The following HHAT variants were observed in gnomAD, a reference collection of about 807,000 sequenced individuals.
The protein encoded by HHAT is hedgehog acyltransferase.
HHAT carries 47 observed loss-of-function variants against 70.8 expected under a neutral mutation model. The observed-to-expected ratio is 0.66, with a 90% confidence interval of 0.53 to 0.85. HHAT has a LOEUF of 0.85. HHAT is among the 40% of genes least tolerant of loss of function. HHAT has a pLI of 0.00. For missense variants in HHAT, 609 were observed against 604.8 expected, an observed-to-expected ratio of 1.01 and a Z score of -0.07; for synonymous variants, 228 against 247.6, an observed-to-expected ratio of 0.92 and a Z score of 0.74.
intron 7 of HHAT, among the ~76,000 whole-genome samples, chr1:210,455,877 T>A (rs990443834): frequency 3.3e-5 from 5 of 152,210 alleles, no homozygotes; most frequent in Non-Finnish European, 7.3e-5. Flanking sequence ...CTTTTACTGT[T>A]TGTGTGATTA....
chr1:210,417,443 C>A (rs2092756383), intron 6 of HHAT, among the ~76,000 whole-genome samples: 1 of 152,144 alleles, frequency 6.6e-6, no homozygotes. Context: ...CCATATTGGC[C>A]AGGCTGGTCT....
In HHAT at chr1:210,447,819, A is replaced by G. The variant is rs886734670; in HGVS notation, c.857-16686A>G. 2.0e-5 allele frequency among the ~76,000 whole-genome samples: 3 copies of G among 152,134 alleles called. No individual in the cohort carries two copies. The East Asian group carries it at 5.8e-4, about 29-fold the overall frequency. ...AGATACGAGGCCCCACATTCTGGTA[A>G]TATAGATCTGTCTCTATGAGCTGGG... On this transcript the variant is annotated intron_variant, in intron 7 of 11. Coordinates refer to ENST00000261458, the MANE Select transcript of HHAT (RefSeq NM_018194.6).
intron 9 of HHAT, among the ~76,000 whole-genome samples, chr1:210,532,583 T>G (rs1318863353): frequency 1.3e-5 from 2 of 152,188 alleles, no homozygotes; most frequent in East Asian, 3.8e-4. Flanking sequence ...GGCAAATTCC[T>G]ATAAGCAACT....
intron 11 of HHAT, among the ~76,000 whole-genome samples, chr1:210,637,409 A>G (rs76338736): frequency 0.017 from 2,630 of 152,342 alleles, 39 homozygotes; most frequent in Middle Eastern, 0.027. Flanking sequence ...AAATAGATCA[A>G]TTGGGTGTCA....
At chr1:210,438,630 G>C (rs2357589) in intron 7 of HHAT, among the ~76,000 whole-genome samples, 2 of 151,368 alleles carry the variant, frequency 1.3e-5, no homozygotes, top group African/African-American at 2.4e-5. Context: ...TTATTTGGCT[G>C]TTTTAGGGTC....
chr1:210,350,766 T>G (rs2147978730), intron 2 of HHAT, among the ~76,000 whole-genome samples: 1 of 152,344 alleles, frequency 6.6e-6, no homozygotes, highest in Middle Eastern at 3.4e-3. Flanking sequence ...TTGTATTGCA[T>G]TAATTAGGGT....
intron 10 of HHAT, among the ~76,000 whole-genome samples, chr1:210,615,909 G>C (rs1242764118): frequency 6.6e-6 from 1 of 152,176 alleles, no homozygotes; most frequent in Non-Finnish European, 1.5e-5. Flanking sequence ...GAGGCAGTCT[G>C]TCTGTTCTCA....
chr1:210,359,519 C>T (rs909735761), intron 2 of HHAT, among the ~76,000 whole-genome samples: 7 of 152,054 alleles, frequency 4.6e-5, no homozygotes, highest in South Asian at 2.1e-4. Context: ...TCTTGCGGCT[C>T]CCACTCAGGA....
At chr1:210,436,200 C>T (rs1306547895) in intron 7 of HHAT, among the ~76,000 whole-genome samples, 1 of 151,806 alleles carries the variant, frequency 6.6e-6, no homozygotes, top group Admixed American at 6.6e-5. Flanking sequence ...TTCCCAGCAC[C>T]ATTTATTGAA....
rs775280864 is a variant in HHAT at position 210,404,616 on chromosome 1, TG to T, written c.622del (p.Val208SerfsTer30). On this transcript the variant is annotated frameshift_variant, in exon 6 of 12. Transcript: ENST00000261458. LOFTEE classifies it high-confidence loss of function. ...ACTCCTTTCCCTGGATGCTGGCCTA[TG>T]TCTTTTATTATCCAGTCTTACACAA... The part of the protein sequence containing the change: ...SYSFPWMLAY[V>X]FYYPVLHNGP... The T allele has an allele frequency of 6.2e-7, 1 of 1,614,038 alleles. No homozygotes were observed. The highest frequency in any genetic ancestry group is 1.3e-5 in the African/African-American group (1 of 74,906).
At chr1:210,382,179 C>T (rs1035568623) in intron 3 of HHAT, among the ~76,000 whole-genome samples, 1 of 152,126 alleles carries the variant, frequency 6.6e-6, no homozygotes, top group Admixed American at 6.5e-5. Context: ...CCTCATTTGC[C>T]AGGAATTTTT....
At chr1:210,507,359 CTTTTTTTTTT>C (rs927392992) in intron 8 of HHAT, among the ~76,000 whole-genome samples, 1 of 122,528 alleles carries the variant, frequency 8.2e-6, no homozygotes, top group Non-Finnish European at 1.7e-5. Context: ...TTTCTTTTTT[CTTTTTTTTTT>C]TTTTTTTTTG....
At chr1:210,359,320 A>C (rs953419721) in intron 2 of HHAT, among the ~76,000 whole-genome samples, 3 of 152,226 alleles carry the variant, frequency 2.0e-5, no homozygotes. Context: ...CTAACAAATT[A>C]GTCATAAAAT....
chr1:210,510,007 G>A (rs1449752743), intron 8 of HHAT, among the ~76,000 whole-genome samples: 1 of 152,156 alleles, frequency 6.6e-6, no homozygotes, highest in Non-Finnish European at 1.5e-5. Context: ...GATGTGCTTT[G>A]CAAAGGAAAT....
intron 2 of HHAT, among the ~76,000 whole-genome samples, chr1:210,354,379 A>G (rs1163231066): frequency 6.6e-6 from 1 of 151,608 alleles, no homozygotes; most frequent in African/African-American, 2.4e-5. Flanking sequence ...TAATTTTTGT[A>G]TTTTTAGTAA....
chr1:210,354,099 C>T (rs188558418), intron 2 of HHAT, among the ~76,000 whole-genome samples: 61 of 151,788 alleles, frequency 4.0e-4, no homozygotes, highest in African/African-American at 1.4e-3. Flanking sequence ...TTTTTCTGTA[C>T]TACTCTCAGC....
At chr1:210,568,472 C>G (rs12142819) in intron 9 of HHAT, among the ~76,000 whole-genome samples, 18,590 of 152,132 alleles carry the variant, frequency 0.12, 1,462 homozygotes, top group Non-Finnish European at 0.18. Flanking sequence ...GGAGGGTGTC[C>G]AGGTTGTTGG....
chr1:210,659,279 A>G (rs1188181519), intron 11 of HHAT, among the ~76,000 whole-genome samples: 1 of 152,358 alleles, frequency 6.6e-6, no homozygotes, highest in African/African-American at 2.4e-5. Flanking sequence ...ACAGAAATAC[A>G]AACTACCATC....
At chr1:210,431,884 A>G (rs1228105172) in intron 7 of HHAT, among the ~76,000 whole-genome samples, 1 of 151,880 alleles carries the variant, frequency 6.6e-6, no homozygotes, top group Non-Finnish European at 1.5e-5. Context: ...GGAAAATTTG[A>G]AAAGTAGTAT....
Sources: gnomAD v4.1 joint callset for allele counts (sites outside exome capture counted in the v4.1 genomes callset) on GRCh38, gnomAD v4.1.1 for gene constraint, MANE v1.5 for transcripts, NCBI Gene and HGNC (gene_info 2026-07-23, HGNC 2026-07-21) for gene names.